The following MKS1 variants were observed in gnomAD, a reference collection of about 807,000 sequenced individuals.
MKS1 encodes MKS transition zone complex subunit 1.
MKS1 carries 70 observed loss-of-function variants against 83.7 expected under a neutral mutation model. The ratio of observed to expected loss-of-function variants is 0.84; its 90% confidence interval spans 0.69 to 1.02. MKS1 has a LOEUF of 1.02. MKS1 is among the 50% of genes least tolerant of loss of function. MKS1 has a pLI of 0.00. For synonymous variants in MKS1, 251 were observed against 273.4 expected, an observed-to-expected ratio of 0.92 and a Z score of 0.81; for missense variants, 681 against 726.9, an observed-to-expected ratio of 0.94 and a Z score of 0.73.
intron 2 of MKS1, 95 bp from the exon 3 acceptor site, chr17:58,216,831 T>A: frequency 7.6e-7 from 1 of 1,324,202 alleles, no homozygotes; most frequent in South Asian, 1.2e-5. Flanking sequence ...ATTCTTATAT[T>A]TGCCACAAAA....
At chr17:58,210,408 G>A (rs1429571124) in intron 11 of MKS1, among the ~76,000 whole-genome samples, 3 of 152,158 alleles carry the variant, frequency 2.0e-5, no homozygotes, top group African/African-American at 4.8e-5. Flanking sequence ...AGCGAGATAG[G>A]AGAGAGAAGT....
rs1272465940 is a variant in MKS1 at position 58,208,108 on chromosome 17, A to G, written c.1162T>C (p.Ser388Pro). 6.2e-7 allele frequency: 1 copy of G among 1,613,398 alleles called. No individual in the cohort carries two copies. Among genetic ancestry groups the G allele is most frequent in the Admixed American group, 1.7e-5 (1 of 60,024 alleles). Residue 388 changes from serine (S) to proline (P), a missense_variant, in exon 13 of 18, where the codon TCT (serine) becomes CCT (proline). By Grantham distance (74) the Ser-to-Pro change is moderately conservative. This residue lies in a region of MKS1 where 310 missense variants were observed against 321.7 expected (regional missense o/e 0.96). Coordinates refer to ENST00000393119, the MANE Select transcript of MKS1 (RefSeq NM_017777.4). ...GATCAACTGCTGAGCTACTCACCAG[A>G]AGATTCATCCTCATGGAGGAAGAAG... ...EAFFLHEDESSDALPEWPVLY... is the reference protein window; with the variant it reads ...EAFFLHEDESPDALPEWPVLY...
At chr17:58,210,316 G>T (rs545113214) in intron 11 of MKS1, among the ~76,000 whole-genome samples, 1 of 152,244 alleles carries the variant, frequency 6.6e-6, no homozygotes, top group East Asian at 1.9e-4. Context: ...AGTAACAGAA[G>T]GCCTTGGCTT....
intron 2 of MKS1, among the ~76,000 whole-genome samples, chr17:58,217,826 A>G (rs1969314207): frequency 6.6e-6 from 1 of 152,114 alleles, no homozygotes; most frequent in African/African-American, 2.4e-5. Flanking sequence ...GAAAACAAAA[A>G]CAAAGAAAAC....
chr17:58,213,201 T>C, intron 7 of MKS1, 111 bp from the exon 8 acceptor site: 2 of 1,007,120 alleles, frequency 2.0e-6, no homozygotes, highest in Non-Finnish European at 3.1e-6. Flanking sequence ...CACTAAAGTA[T>C]ATGATGATAA....
intron 2 of MKS1, 128 bp from the exon 3 acceptor site, chr17:58,216,864 A>G (rs1432049124): frequency 1.1e-6 from 1 of 893,428 alleles, no homozygotes; most frequent in African/African-American, 1.7e-5. Flanking sequence ...TCAGCAATTT[A>G]GTAAGCACTC....
In MKS1 at chr17:58,216,371, C is replaced by G. The variant is rs1306972056; in HGVS notation, c.262-128G>C. On this transcript the variant is annotated intron_variant, in intron 3 of 17. Transcript: ENST00000393119. ...ATCTGACATGTTTTCATAACCAACA[C>G]TAAACTAATGAATGGCAGGGGAACC... 4 of 1,088,520 alleles carry G rather than the reference C, an allele frequency of 3.7e-6. No homozygotes were observed. The East Asian group carries it at 9.9e-5, about 27-fold the overall frequency. The allele number at this position is 1,088,520 out of a possible 1,614,324, so 67.4% of individuals were successfully genotyped here.
intron 6 of MKS1, among the ~76,000 whole-genome samples, 174 bp downstream of exon 6, chr17:58,214,085 A>T (rs1969043783): frequency 6.6e-6 from 1 of 152,170 alleles, no homozygotes; most frequent in African/African-American, 2.4e-5. Flanking sequence ...TGGTGAGAGG[A>T]GAAGAAGATG....
At chr17:58,208,889 A>G (rs1239578494) in intron 11 of MKS1, among the ~76,000 whole-genome samples, 1 of 152,150 alleles carries the variant, frequency 6.6e-6, no homozygotes, top group Non-Finnish European at 1.5e-5. Flanking sequence ...GCTGCCTTCA[A>G]GCACCTGTTT....
Position 58,205,549 on chromosome 17 carries a change from C to T in MKS1, c.*530G>A. 1 of 1,304,548 alleles carries T rather than the reference C, an allele frequency of 7.7e-7. No homozygotes were observed. Among genetic ancestry groups the T allele is most frequent in the Non-Finnish European group, 1.0e-6 (1 of 989,178 alleles). 80.8% of individuals were successfully genotyped at this position (1,304,548 alleles called of 1,614,324 possible). A position where few individuals can be genotyped will look rare whatever the true frequency, so the allele number is the denominator to read the frequency against. ...GAAAGGACTCAGCACTGCCTTCAGC[C>T]TTCACTTACTCAGAAATAACTCATA... On this transcript the variant is annotated 3_prime_UTR_variant, in exon 18 of 18. Transcript: ENST00000393119.
At position 58,210,984 on chromosome 17, in the gene MKS1, C is replaced by T. The variant is rs773255938; in HGVS notation, c.954G>A (p.Glu318=). 2 of 1,613,898 alleles carry T rather than the reference C, an allele frequency of 1.2e-6. No homozygotes were observed. The highest frequency in any genetic ancestry group is 1.3e-5 in the African/African-American group (1 of 74,914). Residue 318 remains glutamate (E), a synonymous_variant, in exon 10 of 18, where the codon GAG becomes GAA. Transcript: ENST00000393119. ...CTATGCTAGCAAGACACTTACCGAC[C>T]TCTCCATTTACAAAGAGCCGGAGGG... ...PGALRLFVNG[E]VVSAQGYEYD...
Position 58,209,617 on chromosome 17 carries a change from C to A in MKS1, c.1025-1034G>T, listed in dbSNP as rs905988673. On this transcript the variant is annotated intron_variant, in intron 11 of 17. Coordinates refer to ENST00000393119, the MANE Select transcript of MKS1 (RefSeq NM_017777.4). The surrounding 1 kb of genome is among the most constrained non-coding windows in gnomAD (Gnocchi z 4.1). The stretch of plus-strand genomic sequence containing the variant: ...AAAGGGTTTCAGACAAAGGAAACGG[C>A]CCTTAAAAGGCTACAAGGTGGGAAT... Among the ~76,000 whole-genome samples, 1 of 152,112 alleles carries A rather than the reference C, an allele frequency of 6.6e-6. No homozygotes were observed. The highest frequency in any genetic ancestry group is 2.4e-5 in the African/African-American group (1 of 41,418).
chr17:58,210,489 G>A (rs1156590746), intron 11 of MKS1, among the ~76,000 whole-genome samples, 170 bp downstream of exon 11: 1 of 152,180 alleles, frequency 6.6e-6, no homozygotes, highest in Non-Finnish European at 1.5e-5. Context: ...GGAAGGTCAA[G>A]CGAGGTGAAA....
chr17:58,216,692 C>T lies in MKS1; in HGVS notation c.235G>A (p.Gly79Arg), dbSNP rs759008278. The part of the protein sequence containing the change: ...EEDEEEEIVI[G>R]WQEKLFSQFE... ...TGGCTAAAGAGCTTCTCCTGCCACC[C>T]AATCACAATCTCCTCCTCTTCGTCT... The change falls in exon 3 of 18, where the codon GGG becomes AGG. Residue 79 changes from glycine to arginine, a missense_variant. Around this residue, in one of 3 missense-constraint regions of MKS1, gnomAD observed 365 missense variants for 383.8 expected, o/e 0.95. Transcript: ENST00000393119. 7 of 1,614,114 alleles carry T rather than the reference C, an allele frequency of 4.3e-6. No homozygotes were observed. In the African/African-American group the frequency reaches 8.0e-5, roughly 18 times the overall value.
Position 58,219,136 on chromosome 17 carries a change from G to C in MKS1, c.80+15C>G. ...ACAAAAGCATGGGGCCTCGGGGCTG[G>C]GGCGGTGCGACTACCGGAGGCGCAA... is the stretch of plus-strand genomic sequence containing the variant. On this transcript the variant is annotated intron_variant, in intron 1 of 17. Coordinates refer to ENST00000393119, the MANE Select transcript of MKS1 (RefSeq NM_017777.4). 4.5e-6 allele frequency: 7 copies of C among 1,550,890 alleles called. No individual in the cohort carries two copies. Among genetic ancestry groups the C allele is most frequent in the Non-Finnish European group, 6.1e-6 (7 of 1,146,970 alleles).
At chr17:58,217,218 A>G (rs987382757) in intron 2 of MKS1, among the ~76,000 whole-genome samples, 2 of 152,166 alleles carry the variant, frequency 1.3e-5, no homozygotes, top group African/African-American at 4.8e-5. Context: ...TGAATTCCCG[A>G]CCTCAGGTGA....
rs9906421 is a variant in MKS1 at position 58,206,340 on chromosome 17, T to C, written c.1531A>G (p.Ser511Gly). 1 of 1,613,980 alleles carries C rather than the reference T, an allele frequency of 6.2e-7. No individual in the cohort carries two copies. The change falls in exon 17 of 18, where the codon AGT becomes GGT. Residue 511 changes from serine (S) to glycine (G), a missense_variant. Physicochemically the swap from Ser to Gly is moderately conservative, Grantham distance 56 (BLOSUM62 0). Around this residue, in one of 3 missense-constraint regions of MKS1, gnomAD observed 310 missense variants for 321.7 expected, o/e 0.96. Coordinates refer to ENST00000393119, the MANE Select transcript of MKS1 (RefSeq NM_017777.4). ...ESSSLQKRMR[S>G]VLDRLEGFSQ... The stretch of plus-strand genomic sequence containing the variant: ...AACCCTTCCAGACGGTCCAACACAC[T>C]CCGCATCCTTTTCTGAAGGGAGCTC...
chr17:58,212,288 G>A (rs1968919713), intron 9 of MKS1, 90 bp downstream of exon 9: 2 of 1,426,318 alleles, frequency 1.4e-6, no homozygotes, highest in African/African-American at 1.4e-5. Flanking sequence ...TATACCTTTG[G>A]GCCTTTAAGA....
intron 2 of MKS1, among the ~76,000 whole-genome samples, chr17:58,218,232 A>G (rs1218841545): frequency 6.6e-6 from 1 of 151,992 alleles, no homozygotes; most frequent in African/African-American, 2.4e-5. Context: ...GCGGATCACG[A>G]GGTCAGGAGA....
Sources: gnomAD v4.1 joint callset for allele counts (sites outside exome capture counted in the v4.1 genomes callset) on GRCh38, gnomAD v4.1.1 for gene constraint, gnomAD v4.1.1 regional missense constraint, Gnocchi (gnomAD v3.1) non-coding constraint, MANE v1.5 for transcripts, NCBI Gene and HGNC (gene_info 2026-07-23, HGNC 2026-07-21) for gene names.